SHISA9: variants seen among roughly 807,000 people sequenced by gnomAD.
SHISA9 encodes the protein protein shisa-9.
Under a neutral mutation model 38.0 loss-of-function variants are expected in SHISA9, and 13 were observed. The observed-to-expected ratio is 0.34, with a 90% CI of 0.22 to 0.54. The LOEUF (loss-of-function observed/expected upper bound fraction) is 0.54, where lower values mean the gene tolerates loss of function less well. SHISA9 is among the 20% of genes least tolerant of loss of function. The pLI is 0.91. For synonymous variants in SHISA9, 275 were observed against 242.0 expected (o/e 1.14, Z -1.27); for missense variants, 538 against 575.8 (o/e 0.93, Z 0.67).
chr16:13,554,264 G>A, the SHISA9 span, among the ~76,000 whole-genome samples: 2 of 146,984 alleles, frequency 1.4e-5, no homozygotes, highest in African/African-American at 5.0e-5. Context: ...TAAAATGTGA[G>A]CCAATGAGAG....
At chr16:13,366,697 A>C in the SHISA9 span, among the ~76,000 whole-genome samples, 1 of 151,786 alleles carries the variant, frequency 6.6e-6, no homozygotes, top group African/African-American at 2.4e-5. Context: ...AAATAAAATA[A>C]AATAAAGAGG....
intron 2 of SHISA9, among the ~76,000 whole-genome samples, chr16:13,145,033 C>T (rs1371690015): frequency 1.3e-5 from 2 of 152,204 alleles, no homozygotes; most frequent in African/African-American, 4.8e-5. Context: ...CAGTGATTGA[C>T]AATGTTTCTT....
chr16:13,135,552 C>G (rs979550692), intron 2 of SHISA9, among the ~76,000 whole-genome samples: 2 of 152,340 alleles, frequency 1.3e-5, no homozygotes, highest in African/African-American at 4.8e-5. Context: ...TTGTCCCATG[C>G]TAGCCTGGTT....
At chr16:13,014,080 G>T (rs1045145048) in intron 2 of SHISA9, among the ~76,000 whole-genome samples, 1 of 152,124 alleles carries the variant, frequency 6.6e-6, no homozygotes, top group Non-Finnish European at 1.5e-5. Flanking sequence ...GTGTCAGGAG[G>T]TGCACCTGCC....
chr16:13,247,379 T>C, the SHISA9 span, among the ~76,000 whole-genome samples: 1 of 152,110 alleles, frequency 6.6e-6, no homozygotes, highest in African/African-American at 2.4e-5. Flanking sequence ...TGATCTTTAA[T>C]CCTCTCAGTA....
the SHISA9 span, among the ~76,000 whole-genome samples, chr16:13,343,715 C>T: frequency 3.3e-5 from 5 of 152,174 alleles, no homozygotes; most frequent in African/African-American, 1.2e-4. Flanking sequence ...CAATTGATCT[C>T]TGGTGCTTGT....
chr16:12,989,172 A>T (rs1379361016), intron 2 of SHISA9, among the ~76,000 whole-genome samples: 2 of 152,066 alleles, frequency 1.3e-5, no homozygotes, highest in African/African-American at 4.8e-5. Context: ...CCACCTAAAG[A>T]TAATGACAAT....
chr16:13,249,506 G>A, the SHISA9 span, among the ~76,000 whole-genome samples: 3 of 152,164 alleles, frequency 2.0e-5, no homozygotes, highest in Non-Finnish European at 4.4e-5. Flanking sequence ...ATGTGAAACA[G>A]GGATAAGCAT....
chr16:13,530,752 C>T, the SHISA9 span, among the ~76,000 whole-genome samples: 427 of 152,204 alleles, frequency 2.8e-3, 3 homozygotes, highest in African/African-American at 9.7e-3. Context: ...ATTCCCAGGT[C>T]GGCAGATGCT....
the SHISA9 span, among the ~76,000 whole-genome samples, chr16:13,293,563 A>C: frequency 6.6e-6 from 1 of 152,208 alleles, no homozygotes; most frequent in Non-Finnish European, 1.5e-5. Context: ...TTTATTAAAT[A>C]TATATAATGT....
At chr16:13,045,727 T>C (rs896535868) in intron 2 of SHISA9, among the ~76,000 whole-genome samples, 3 of 146,194 alleles carry the variant, frequency 2.1e-5, no homozygotes, top group Admixed American at 7.0e-5. Context: ...GAAAAGAAAG[T>C]GACTGGGGAG....
chr16:13,296,337 T>G, the SHISA9 span, among the ~76,000 whole-genome samples: 1 of 152,032 alleles, frequency 6.6e-6, no homozygotes, highest in African/African-American at 2.4e-5. Flanking sequence ...TTTTAGCACT[T>G]TATGTAACAA....
At chr16:13,324,643 T>C in the SHISA9 span, among the ~76,000 whole-genome samples, 1 of 152,074 alleles carries the variant, frequency 6.6e-6, no homozygotes, top group South Asian at 2.1e-4. Flanking sequence ...TCCAAAGAAA[T>C]AGAACCAATA....
chr16:13,147,038 G>A lies in SHISA9; in HGVS notation c.692-56356G>A, dbSNP rs913937314. 7.4e-5 allele frequency among the ~76,000 whole-genome samples: 11 copies of A among 148,866 alleles called. No homozygotes were observed. The East Asian group carries it at 1.2e-3, about 16-fold the overall frequency. On this transcript the variant is annotated intron_variant, in intron 2 of 4. Transcript: ENST00000558583. ...AGTGAATGAATGAATGAATGAATGA[G>A]TGAGTATAGTATAATGTGTCCTTAT...
chr16:13,426,597 C>T, the SHISA9 span, among the ~76,000 whole-genome samples: 1,347 of 151,990 alleles, frequency 8.9e-3, 27 homozygotes, highest in African/African-American at 0.031. Flanking sequence ...TTCTATTGAT[C>T]GTTCGAAGTA....
the SHISA9 span, among the ~76,000 whole-genome samples, chr16:13,360,797 T>A: frequency 2.0e-5 from 3 of 151,930 alleles, no homozygotes; most frequent in African/African-American, 7.3e-5. Flanking sequence ...GTGATGGGAG[T>A]CAGTGGATAA....
intron 2 of SHISA9, among the ~76,000 whole-genome samples, chr16:12,966,150 G>A (rs1252690983): frequency 6.6e-6 from 1 of 152,194 alleles, no homozygotes; most frequent in Non-Finnish European, 1.5e-5. Flanking sequence ...ATGTCCCCTA[G>A]AGGGCAAAAT....
the SHISA9 span, among the ~76,000 whole-genome samples, chr16:13,383,629 A>G: frequency 6.6e-6 from 1 of 152,126 alleles, no homozygotes; most frequent in Non-Finnish European, 1.5e-5. Context: ...AGCCACAATT[A>G]TGTTTGCACC....
chr16:12,951,485 A>G (rs528992154), intron 2 of SHISA9, among the ~76,000 whole-genome samples: 1 of 152,158 alleles, frequency 6.6e-6, no homozygotes, highest in South Asian at 2.1e-4. Context: ...ACAAATAGGC[A>G]TGGCTGTGTT....
Sources: allele counts gnomAD v4.1 joint callset (sites outside exome capture counted in the v4.1 genomes callset), GRCh38; gene constraint gnomAD v4.1.1; transcripts MANE v1.5; gene names NCBI Gene and HGNC (gene_info 2026-07-23, HGNC 2026-07-21).